Variants in ATP8B1 observed in about 807,000 individuals in gnomAD.
ATP8B1 encodes ATPase phospholipid transporting 8B1.
In ATP8B1, 80 loss-of-function variants were observed where a neutral mutation model predicts 149.9. That is an observed-to-expected ratio of 0.53 (90% CI 0.45 to 0.64). The LOEUF (loss-of-function observed/expected upper bound fraction) is 0.64. ATP8B1 is among the 30% of genes least tolerant of loss of function. The pLI, the probability that ATP8B1 is intolerant of heterozygous loss-of-function variation, is 0.00. For missense variants in ATP8B1, 1,247 were observed against 1,552.6 expected (o/e 0.80, Z 3.31); for synonymous variants, 536 against 562.8 (o/e 0.95, Z 0.67).
At chr18:57,700,010 G>T (rs935656720) in intron 6 of ATP8B1, among the ~76,000 whole-genome samples, 3 of 152,168 alleles carry the variant, frequency 2.0e-5, no homozygotes, top group African/African-American at 7.2e-5. Context: ...GCATTAGCAG[G>T]GTAGAGCACA....
intron 27 of ATP8B1, among the ~76,000 whole-genome samples, chr18:57,649,602 C>T (rs1209094086): frequency 6.6e-6 from 1 of 152,140 alleles, no homozygotes; most frequent in African/African-American, 2.4e-5. Context: ...TTGCCCCCCC[C>T]AACCCCTCAC....
chr18:57,798,875 C>G (rs2080545506), intron 1 of ATP8B1, among the ~76,000 whole-genome samples: 1 of 152,100 alleles, frequency 6.6e-6, no homozygotes, highest in Non-Finnish European at 1.5e-5. Context: ...CTGGGGAACT[C>G]TATCTTTCCA....
intron 1 of ATP8B1, among the ~76,000 whole-genome samples, chr18:57,744,826 C>A (rs1432470612): frequency 1.3e-5 from 2 of 152,150 alleles, no homozygotes; most frequent in Admixed American, 1.3e-4. Flanking sequence ...GAAAGACATA[C>A]AAAACATCAT....
intron 27 of ATP8B1, among the ~76,000 whole-genome samples, chr18:57,649,320 A>G (rs1011432038): frequency 6.6e-6 from 1 of 151,976 alleles, no homozygotes; most frequent in African/African-American, 2.4e-5. Flanking sequence ...CTACCTGGAG[A>G]TATATATTGA....
At chr18:57,693,671 G>A (rs1184820589) in intron 11 of ATP8B1, among the ~76,000 whole-genome samples, 2 of 152,060 alleles carry the variant, frequency 1.3e-5, no homozygotes, top group East Asian at 3.9e-4. Flanking sequence ...TCATGCCATT[G>A]TACTCCAGCC....
intron 18 of ATP8B1, chr18:57,668,851 C>A (rs1234098035): frequency 6.9e-6 from 2 of 287,954 alleles, no homozygotes; most frequent in Non-Finnish European, 6.4e-6. Context: ...TGACATAAAC[C>A]GTAAACCAGT....
chr18:57,695,922 G>A (rs1344790372), intron 8 of ATP8B1, among the ~76,000 whole-genome samples: 1 of 152,146 alleles, frequency 6.6e-6, no homozygotes, highest in Admixed American at 6.6e-5. Flanking sequence ...ATTCTGTTTC[G>A]CCTCTGTCAA....
chr18:57,778,262 GTC>G (rs2080326304), intron 1 of ATP8B1, among the ~76,000 whole-genome samples: 1 of 132,386 alleles, frequency 7.6e-6, no homozygotes, highest in Non-Finnish European at 1.5e-5. Flanking sequence ...GTCTCGCTCT[GTC>G]GCCCAGGCTG....
chr18:57,798,858 C>G (rs1284303224), intron 1 of ATP8B1, among the ~76,000 whole-genome samples: 1 of 116,330 alleles, frequency 8.6e-6, no homozygotes, highest in East Asian at 2.5e-4. Flanking sequence ...AGAACCTTGC[C>G]CCTGCTCTGG....
intron 1 of ATP8B1, among the ~76,000 whole-genome samples, chr18:57,747,583 G>T (rs1236551817): frequency 6.6e-6 from 1 of 151,982 alleles, no homozygotes; most frequent in Non-Finnish European, 1.5e-5. Context: ...CTTTTCATTT[G>T]TAAATCTGTC....
At chr18:57,693,325 G>A (rs1457237966) in intron 11 of ATP8B1, among the ~76,000 whole-genome samples, 7 of 152,130 alleles carry the variant, frequency 4.6e-5, no homozygotes, top group Admixed American at 6.5e-5. Flanking sequence ...TGCTTCCTCC[G>A]AAGGCCGGCT....
Position 57,694,634 on chromosome 18 carries a change from G to T in ATP8B1, c.977C>A (p.Thr326Asn). The T allele has an allele frequency of 6.3e-7, 1 of 1,595,690 alleles. No homozygotes were observed. Among genetic ancestry groups the T allele is most frequent in the African/African-American group, 1.3e-5 (1 of 74,578 alleles). Residue 326 changes from threonine (T) to asparagine (N), a missense_variant, in exon 11 of 28, where the codon ACC becomes AAC. Thr to Asn is a moderately conservative substitution (Grantham distance 65, BLOSUM62 0). This residue lies in a region of ATP8B1 where 853 missense variants were observed against 1,035.7 expected (regional missense o/e 0.82). Transcript: ENST00000648908. ...ATCAATTTTAGTTCTTTTAAATCTG[G>T]TTTTCCCACTATTCTTCATTATTTT... Reference protein sequence around the residue: ...DTKIMKNSGKTRFKRTKIDYL... With the variant: ...DTKIMKNSGKNRFKRTKIDYL...
At position 57,662,528 on chromosome 18, in the gene ATP8B1, A is replaced by G. The variant is rs1411432193; in HGVS notation, c.2373T>C (p.Phe791=). The G allele has an allele frequency of 6.2e-7, 1 of 1,613,570 alleles. No homozygotes were observed. The highest frequency in any genetic ancestry group is 1.7e-5 in the Admixed American group (1 of 59,994). Residue 791 remains phenylalanine, a synonymous_variant, in exon 21 of 28, where the codon TTT becomes TTC. Coordinates refer to ENST00000648908, the MANE Select transcript of ATP8B1 (RefSeq NM_001374385.1). ...TTAAGGCACGGTTTCCACCGGGTGG[A>G]AAAAAAGATTCCTGCACAGGAGGTG... ...KFAPPVQESF[F]PPGGNRALII...
chr18:57,711,858 G>A (rs536883423), intron 2 of ATP8B1, among the ~76,000 whole-genome samples: 7 of 152,196 alleles, frequency 4.6e-5, no homozygotes, highest in Middle Eastern at 3.4e-3. Flanking sequence ...CCAGAGTGCC[G>A]GGATTACAGG....
intron 1 of ATP8B1, among the ~76,000 whole-genome samples, chr18:57,734,522 G>C (rs958273505): frequency 2.6e-5 from 4 of 152,106 alleles, no homozygotes; most frequent in Non-Finnish European, 4.4e-5. Flanking sequence ...TTGGCGATTT[G>C]TATGTTTCCT....
At chr18:57,779,528 T>C (rs2080339342) in intron 1 of ATP8B1, among the ~76,000 whole-genome samples, 1 of 152,244 alleles carries the variant, frequency 6.6e-6, no homozygotes, top group Non-Finnish European at 1.5e-5. Context: ...AATGTTCACT[T>C]TTTAATTTTA....
rs1177400982 is a variant in ATP8B1, at chr18:57,762,126, CAT to C, written c.-25-30296_-25-30295del. 7.3e-3 allele frequency among the ~76,000 whole-genome samples: 709 copies of C among 96,546 alleles called. 5 individuals are homozygous for C. Among genetic ancestry groups the C allele is most frequent in the Non-Finnish European group, 0.011 (505 of 45,080 alleles). The allele number at this position is 96,546 out of a possible 152,430, so 63.3% of individuals were successfully genotyped here. ...CAATAATGAGATACACACACACACA[CAT>C]ATATATATATATATTTTTTTTTTCT... is the stretch of plus-strand genomic sequence containing the variant. On this transcript the variant is annotated intron_variant, in intron 1 of 27. Coordinates refer to ENST00000648908, the MANE Select transcript of ATP8B1 (RefSeq NM_001374385.1).
At chr18:57,777,228 T>C (rs2123399492) in intron 1 of ATP8B1, among the ~76,000 whole-genome samples, 1 of 152,306 alleles carries the variant, frequency 6.6e-6, no homozygotes, top group African/African-American at 2.4e-5. Context: ...TCTGCCCGGC[T>C]CAGCATCTGA....
At chr18:57,688,747 C>T (rs1188712401) in intron 12 of ATP8B1, 1 of 516,102 alleles carries the variant, frequency 1.9e-6, no homozygotes, top group East Asian at 3.6e-5. Context: ...GGATTAGTGC[C>T]CTTATTAAAG....
Sources: gnomAD v4.1 joint callset for allele counts (sites outside exome capture counted in the v4.1 genomes callset) on GRCh38, gnomAD v4.1.1 for gene constraint, gnomAD v4.1.1 regional missense constraint, MANE v1.5 for transcripts, NCBI Gene and HGNC (gene_info 2026-07-23, HGNC 2026-07-21) for gene names.